Variants in TCF20 observed in about 807,000 individuals in gnomAD.
TCF20 encodes SPRE-binding protein.
TCF20 carries 3 observed loss-of-function variants against 148.6 expected under a neutral mutation model. The observed-to-expected ratio is 0.02, with a 90% CI of 0.01 to 0.05. TCF20 has a LOEUF of 0.05. Among genes scored for constraint, TCF20 ranks in the 10% least tolerant of loss-of-function variants. The pLI is 1.00. For synonymous variants in TCF20, 1,049 were observed against 909.5 expected, an observed-to-expected ratio of 1.15 and a Z score of -2.76; for missense variants, 2,350 against 2,429.3, an observed-to-expected ratio of 0.97 and a Z score of 0.69.
rs1309681136 is a variant in TCF20 at position 42,217,431 on chromosome 22, CCCTG to C, written c.-36-2094_-36-2091del. Among the ~76,000 whole-genome samples the C allele has an allele frequency of 2.0e-5, 3 of 152,288 alleles. No homozygotes were observed. In the East Asian group the frequency reaches 5.8e-4, roughly 29 times the overall value. ...CTGTAACTCCCTCCCCTGTTTTATC[CCCTG>C]CCTGGCCCCATACTTACTCCAAACA... On this transcript the variant is annotated intron_variant, in intron 1 of 5. Coordinates refer to ENST00000677622, the MANE Select transcript of TCF20 (RefSeq NM_001378418.1).
intron 2 of TCF20, among the ~76,000 whole-genome samples, chr22:42,188,195 G>A (rs1937137584): frequency 6.8e-6 from 1 of 147,582 alleles, no homozygotes; most frequent in South Asian, 2.2e-4. Flanking sequence ...TCGGGAGGCT[G>A]AGGCAGGAGA....
chr22:42,180,855 A>AT (rs970619258), intron 2 of TCF20, among the ~76,000 whole-genome samples: 1 of 152,222 alleles, frequency 6.6e-6, no homozygotes, highest in African/African-American at 2.4e-5. Flanking sequence ...CTGGATGATC[A>AT]TCTCTGGCAT....
intron 1 of TCF20, among the ~76,000 whole-genome samples, chr22:42,247,487 G>C (rs917454317): frequency 2.0e-5 from 3 of 150,954 alleles, no homozygotes; most frequent in Admixed American, 2.0e-4. Context: ...AAGAGGACAC[G>C]GACCCAGACC....
chr22:42,257,488 C>T (rs927134175), intron 1 of TCF20, among the ~76,000 whole-genome samples: 10 of 152,272 alleles, frequency 6.6e-5, no homozygotes, highest in African/African-American at 1.7e-4. Context: ...TCTATTTTAA[C>T]TCTAATATAC....
At chr22:42,272,154 C>G (rs1206314021), upstream of TCF20, among the ~76,000 whole-genome samples, 1 of 152,260 alleles carries the variant, frequency 6.6e-6, no homozygotes, top group Non-Finnish European at 1.5e-5. Context: ...CGGGGCAGAG[C>G]TGAACAAGCC....
chr22:42,183,842 C>A (rs1936907307), intron 2 of TCF20, among the ~76,000 whole-genome samples: 1 of 150,742 alleles, frequency 6.6e-6, no homozygotes, highest in Non-Finnish European at 1.5e-5. Flanking sequence ...GATCTCGGCT[C>A]ACCGCAACCT....
intron 2 of TCF20, among the ~76,000 whole-genome samples, chr22:42,187,062 G>C (rs1316512301): frequency 6.6e-6 from 1 of 152,184 alleles, no homozygotes; most frequent in African/African-American, 2.4e-5. Flanking sequence ...AGAGTCACCT[G>C]CCAGGTGCTC....
chr22:42,172,836 T>C (rs1318688298), intron 3 of TCF20, among the ~76,000 whole-genome samples: 1 of 152,202 alleles, frequency 6.6e-6, no homozygotes, highest in Non-Finnish European at 1.5e-5. Context: ...ACTGCAGGGC[T>C]TGGGACACAG....
intron 1 of TCF20, among the ~76,000 whole-genome samples, chr22:42,291,854 A>G (rs1927138863): frequency 6.6e-6 from 1 of 151,902 alleles, no homozygotes; most frequent in African/African-American, 2.4e-5. Flanking sequence ...CTAAAGAAGC[A>G]AGCAGAAGGG....
intron 1 of TCF20, among the ~76,000 whole-genome samples, chr22:42,216,036 C>G (rs1921739092): frequency 7.0e-6 from 1 of 142,152 alleles, no homozygotes; most frequent in Non-Finnish European, 1.5e-5. Context: ...ATAAGCCTCC[C>G]AGTTATGCGG....
At chr22:42,195,940 C>G (rs938259927) in intron 2 of TCF20, among the ~76,000 whole-genome samples, 8 of 152,226 alleles carry the variant, frequency 5.3e-5, no homozygotes, top group African/African-American at 1.4e-4. Context: ...ACCCCCCATG[C>G]CAGGCATTAG....
intron 3 of TCF20, among the ~76,000 whole-genome samples, chr22:42,172,573 G>T (rs550395068): frequency 1.3e-5 from 2 of 152,336 alleles, no homozygotes; most frequent in South Asian, 2.1e-4. Flanking sequence ...ACCCCCAGAA[G>T]AGAAGGCCAC....
rs956163731 is a variant in TCF20 at position 42,297,307 on chromosome 22, G to C, written c.-37+46172C>G. Among the ~76,000 whole-genome samples the C allele has an allele frequency of 6.6e-6, 1 of 152,240 alleles. No individual in the cohort carries two copies. The highest frequency in any genetic ancestry group is 2.4e-5 in the African/African-American group (1 of 41,462). On this transcript the variant is annotated intron_variant, in intron 1 of 1. Transcript: ENST00000515426. This position sits in a 1 kb window ranked among gnomAD's most constrained non-coding sequence, Gnocchi z 4.3. ...CTACTTCCTGTCCCCTGCCAGGCCT[G>C]AGCAGAGGTCAGACTCCCTAGCTGG... is the stretch of plus-strand genomic sequence containing the variant.
At chr22:42,199,941 G>C (rs753316796) in intron 2 of TCF20, among the ~76,000 whole-genome samples, 1 of 128,312 alleles carries the variant, frequency 7.8e-6, no homozygotes, top group Non-Finnish European at 1.6e-5. Context: ...AATTTTTTTG[G>C]TATCTTTTTG....
At chr22:42,258,587 C>T (rs1248593801) in intron 1 of TCF20, among the ~76,000 whole-genome samples, 1 of 152,190 alleles carries the variant, frequency 6.6e-6, no homozygotes, top group African/African-American at 2.4e-5. Context: ...GCCAAAGTGA[C>T]AAGCATTCAG....
At chr22:42,161,972 CT>C (rs3045573) in intron 5 of TCF20, among the ~76,000 whole-genome samples, 181 of 74,982 alleles carry the variant, frequency 2.4e-3, no homozygotes, top group Middle Eastern at 9.6e-3. Flanking sequence ...TAATGACAGT[CT>C]TTTTTTTTTT....
Position 42,214,604 on chromosome 22 carries a change from G to C in TCF20, c.702C>G (p.His234Gln). 6.2e-7 allele frequency: 1 copy of C among 1,614,134 alleles called. No homozygotes were observed. Residue 234 changes from histidine (H) to glutamine (Q), a missense_variant, in exon 2 of 6, where the codon CAC becomes CAG. Coordinates refer to ENST00000677622, the MANE Select transcript of TCF20 (RefSeq NM_001378418.1). ...YQLRVGQFGQ[H>Q]YQSSASSSSS... ...AGGAGGAGGAAGCAGAAGACTGATAGTGTTGGCCAAACTGACCCACTCTTA... is the reference window on the plus strand; with the variant it reads ...AGGAGGAGGAAGCAGAAGACTGATACTGTTGGCCAAACTGACCCACTCTTA...
At chr22:42,199,844 C>CA (rs566204437) in intron 2 of TCF20, among the ~76,000 whole-genome samples, 3,536 of 95,524 alleles carry the variant, frequency 0.037, 125 homozygotes, top group African/African-American at 0.11. Context: ...TGACTCTGTC[C>CA]AAAAAAAAAA....
intron 2 of TCF20, among the ~76,000 whole-genome samples, chr22:42,198,244 A>C (rs1465643796): frequency 6.6e-6 from 1 of 152,224 alleles, no homozygotes; most frequent in Non-Finnish European, 1.5e-5. Context: ...ATGGAGACTC[A>C]CAAGGTTTGA....
Sources: allele counts gnomAD v4.1 joint callset (sites outside exome capture counted in the v4.1 genomes callset), GRCh38; gene constraint gnomAD v4.1.1; non-coding constraint Gnocchi (gnomAD v3.1); transcripts MANE v1.5; gene names NCBI Gene and HGNC (gene_info 2026-07-23, HGNC 2026-07-21).